Variants in GSK3B observed in about 807,000 individuals in gnomAD.
GSK3B encodes glycogen synthase kinase-3 beta.
Under a neutral mutation model 56.4 loss-of-function variants are expected in GSK3B, and 15 were observed. That is an observed-to-expected ratio of 0.27 (90% CI 0.18 to 0.41). The LOEUF is 0.41. Among genes scored for constraint, GSK3B ranks in the 10% least tolerant of loss-of-function variants. The pLI is 1.00. For synonymous variants in GSK3B, 181 were observed against 188.9 expected, an observed-to-expected ratio of 0.96 and a Z score of 0.34; for missense variants, 300 against 513.4, an observed-to-expected ratio of 0.58 and a Z score of 4.02.
At chr3:119,884,065 A>G (rs192158461) in intron 7 of GSK3B, among the ~76,000 whole-genome samples, 56 of 152,280 alleles carry the variant, frequency 3.7e-4, no homozygotes, top group African/African-American at 1.3e-3. Flanking sequence ...CAAAGCAGAC[A>G]AAGAAGAGTG....
At chr3:119,844,744 T>C (rs1465159521) in intron 9 of GSK3B, among the ~76,000 whole-genome samples, 1 of 152,180 alleles carries the variant, frequency 6.6e-6, no homozygotes, top group Admixed American at 6.5e-5. Flanking sequence ...AAAGAGGAGC[T>C]GGTACCATTC....
At chr3:119,922,163 A>AGGAGGTAGG (rs1417103437) in intron 4 of GSK3B, among the ~76,000 whole-genome samples, 10 of 141,994 alleles carry the variant, frequency 7.0e-5, no homozygotes, top group Non-Finnish European at 7.6e-5. Flanking sequence ...TAGGTAGGTA[A>AGGAGGTAGG]GGAGGTAGGT....
chr3:119,876,524 G>C lies in GSK3B; in HGVS notation c.814-16C>G. 1 of 1,350,418 alleles carries C rather than the reference G, an allele frequency of 7.4e-7. No homozygotes were observed. Among genetic ancestry groups the C allele is most frequent in the Non-Finnish European group, 1.1e-6 (1 of 941,418 alleles). 83.7% of individuals were successfully genotyped at this position (1,350,418 alleles called of 1,614,324 possible). A position where few individuals can be genotyped will look rare whatever the true frequency, so the allele number is the denominator to read the frequency against. On this transcript the variant is annotated splice_polypyrimidine_tract_variant and intron_variant, in intron 7 of 10. Coordinates refer to ENST00000264235, the MANE Select transcript of GSK3B (RefSeq NM_001146156.2). Reference sequence around the variant, plus strand: ...TTCCCAGGACCTAGAAAGAAAGCAAGTTATTGCCATCTTTTCCTATATATT... The same window carrying C: ...TTCCCAGGACCTAGAAAGAAAGCAACTTATTGCCATCTTTTCCTATATATT...
At chr3:120,018,288 C>T (rs929890647) in intron 1 of GSK3B, among the ~76,000 whole-genome samples, 1 of 152,148 alleles carries the variant, frequency 6.6e-6, no homozygotes, top group Admixed American at 6.5e-5. Flanking sequence ...CACTTATACA[C>T]AGATTAAAAG....
chr3:119,849,269 C>T (rs1344885509), intron 9 of GSK3B, among the ~76,000 whole-genome samples: 1 of 152,134 alleles, frequency 6.6e-6, no homozygotes, highest in Non-Finnish European at 1.5e-5. Context: ...TGTGTAAGGT[C>T]CCAGGATAGG....
chr3:120,020,964 T>C (rs2057871641), intron 1 of GSK3B, among the ~76,000 whole-genome samples: 1 of 152,104 alleles, frequency 6.6e-6, no homozygotes, highest in Non-Finnish European at 1.5e-5. Flanking sequence ...ACCACAACAT[T>C]TCCTTAAGCC....
chr3:120,063,239 G>A (rs548815194), intron 1 of GSK3B, among the ~76,000 whole-genome samples: 2 of 152,290 alleles, frequency 1.3e-5, no homozygotes, highest in East Asian at 3.8e-4. Flanking sequence ...ATGGGAATCA[G>A]AGAACATTTT....
chr3:120,084,975 T>C (rs112350244), intron 1 of GSK3B, among the ~76,000 whole-genome samples: 47 of 152,198 alleles, frequency 3.1e-4, no homozygotes, highest in African/African-American at 1.1e-3. Flanking sequence ...AAGTCTACTA[T>C]AGAAATCATT....
At chr3:119,859,735 C>G (rs945862187) in intron 9 of GSK3B, among the ~76,000 whole-genome samples, 1 of 151,998 alleles carries the variant, frequency 6.6e-6, no homozygotes, top group Non-Finnish European at 1.5e-5. Context: ...ATCTCATCAC[C>G]TGCTTTTCTC....
intron 1 of GSK3B, among the ~76,000 whole-genome samples, chr3:120,072,200 T>C (rs73177903): frequency 2.6e-5 from 4 of 152,216 alleles, no homozygotes; most frequent in African/African-American, 9.6e-5. Flanking sequence ...AAAAGTTCGA[T>C]TCAGAGGCAC....
chr3:119,872,672 A>T (rs754325428), intron 8 of GSK3B, among the ~76,000 whole-genome samples: 31 of 152,176 alleles, frequency 2.0e-4, no homozygotes, highest in Non-Finnish European at 7.4e-5. Context: ...GAGAAGACAA[A>T]TCAGAAAACT....
chr3:120,044,222 GC>G (rs2058085530), intron 1 of GSK3B, among the ~76,000 whole-genome samples: 1 of 152,172 alleles, frequency 6.6e-6, no homozygotes, highest in Non-Finnish European at 1.5e-5. Context: ...GGGCCATCCA[GC>G]TTCCATCTCT....
At chr3:120,055,093 G>A (rs1248323605) in intron 1 of GSK3B, among the ~76,000 whole-genome samples, 1 of 151,808 alleles carries the variant, frequency 6.6e-6, no homozygotes, top group Admixed American at 6.6e-5. Context: ...TCTTGCCTAG[G>A]CCCTCCCATA....
intron 9 of GSK3B, among the ~76,000 whole-genome samples, chr3:119,850,113 G>A (rs1185275399): frequency 6.6e-6 from 1 of 151,660 alleles, no homozygotes; most frequent in East Asian, 1.9e-4. Flanking sequence ...AGGAGAGAGG[G>A]GTAACTAATG....
At chr3:119,830,772 CTG>C (rs2055585847) in intron 10 of GSK3B, among the ~76,000 whole-genome samples, 1 of 152,194 alleles carries the variant, frequency 6.6e-6, no homozygotes, top group Non-Finnish European at 1.5e-5. Context: ...AACTTAATAG[CTG>C]TGTGATTTTG....
At position 119,943,479 on chromosome 3, in the gene GSK3B, G is replaced by T. The variant is rs546119199; in HGVS notation, c.366+3789C>A. Reference sequence around the variant, plus strand: ...TGCATATACCTATATAAACATGTACGTATGGAATAAGATACACAGAACTGA... The same window carrying T: ...TGCATATACCTATATAAACATGTACTTATGGAATAAGATACACAGAACTGA... On this transcript the variant is annotated intron_variant, in intron 3 of 10. Transcript: ENST00000264235. 6.0e-4 allele frequency among the ~76,000 whole-genome samples: 91 copies of T among 152,210 alleles called. 2 individuals carry two copies. In the South Asian group the frequency reaches 0.017, roughly 29 times the overall value.
intron 10 of GSK3B, among the ~76,000 whole-genome samples, chr3:119,835,743 AG>A (rs1380799037): frequency 8.5e-5 from 13 of 152,154 alleles, no homozygotes; most frequent in Non-Finnish European, 1.3e-4. Flanking sequence ...AAGAGAAAAC[AG>A]GAAGAACAAG....
intron 1 of GSK3B, among the ~76,000 whole-genome samples, chr3:120,048,565 T>C (rs559765931): frequency 7.2e-5 from 11 of 152,318 alleles, no homozygotes; most frequent in Admixed American, 2.6e-4. Context: ...TCTTATCTCA[T>C]TGGGTTGTTA....
In GSK3B at chr3:119,838,052, C is replaced by T. The variant is rs1284289057; in HGVS notation, c.1195+5203G>A. On this transcript the variant is annotated intron_variant, in intron 10 of 10. Transcript: ENST00000264235. ...CCTGTAATCCCAGCACTTTGGGAGG[C>T]CAAGGCAGGCAGATCACTTGAGGCC... Among the ~76,000 whole-genome samples the T allele has an allele frequency of 6.0e-5, 9 of 150,876 alleles. No individual in the cohort carries two copies. In the East Asian group the frequency reaches 1.6e-3, roughly 26 times the overall value.
Sources: allele counts gnomAD v4.1 joint callset (sites outside exome capture counted in the v4.1 genomes callset), GRCh38; gene constraint gnomAD v4.1.1; transcripts MANE v1.5; gene names NCBI Gene and HGNC (gene_info 2026-07-23, HGNC 2026-07-21).